RAD21L1: variants seen among roughly 807,000 people sequenced by gnomAD.
RAD21L1 encodes the protein double-strand-break repair protein rad21-like protein 1.
In RAD21L1, 47 loss-of-function variants were observed where a neutral mutation model predicts 69.0. The observed-to-expected ratio is 0.68, with a 90% confidence interval of 0.54 to 0.87. The LOEUF is 0.87. Among genes scored for constraint, RAD21L1 ranks in the 40% least tolerant of loss-of-function variants. RAD21L1 has a pLI of 0.00. For missense variants in RAD21L1, 583 were observed against 647.6 expected (o/e 0.90, Z 1.08); for synonymous variants, 177 against 205.8 (o/e 0.86, Z 1.20).
At chr20:1,236,387 C>T (rs980001973) in intron 5 of RAD21L1, among the ~76,000 whole-genome samples, 1 of 152,150 alleles carries the variant, frequency 6.6e-6, no homozygotes, top group African/African-American at 2.4e-5. Flanking sequence ...TACTCAAGGC[C>T]CTCTGCCAAT....
At chr20:1,240,182 T>C in intron 7 of RAD21L1, 139 bp from the exon 8 acceptor site, 1 of 1,358,390 alleles carries the variant, frequency 7.4e-7, no homozygotes, top group Non-Finnish European at 9.5e-7. Flanking sequence ...ATTAAATAAA[T>C]GGTTCTAAGA....
At chr20:1,235,511 A>G (rs577297119) in intron 5 of RAD21L1, among the ~76,000 whole-genome samples, 1 of 152,362 alleles carries the variant, frequency 6.6e-6, no homozygotes, top group East Asian at 1.9e-4. Flanking sequence ...AAGTTTTGTT[A>G]TTAGAGTCAA....
Position 1,228,491 on chromosome 20 carries a change from C to T in RAD21L1, c.38C>T (p.Pro13Leu), listed in dbSNP as rs1252294487. 4 of 1,549,856 alleles carry T rather than the reference C, an allele frequency of 2.6e-6. No individual in the cohort carries two copies. Among genetic ancestry groups the T allele is most frequent in the Non-Finnish European group, 3.5e-6 (4 of 1,146,244 alleles). Reference sequence around the variant, plus strand: ...CATGTGCTTATGAGTAAACGAGGGCCATTGGCCAAAATATGGCTTGCAGCT... The same window carrying T: ...CATGTGCTTATGAGTAAACGAGGGCTATTGGCCAAAATATGGCTTGCAGCT... ...YTHVLMSKRG[P>L]LAKIWLAAHW... Residue 13 changes from proline (P) to leucine (L), a missense_variant, in exon 2 of 14, where the codon CCA (proline) becomes CTA (leucine). Transcript: ENST00000683101.
chr20:1,232,892 G>T (rs1029613627), intron 4 of RAD21L1, among the ~76,000 whole-genome samples: 31 of 152,310 alleles, frequency 2.0e-4, no homozygotes, highest in African/African-American at 6.3e-4. Context: ...AGTCATAAGA[G>T]AAGTGATTAG....
intron 1 of RAD21L1, among the ~76,000 whole-genome samples, chr20:1,227,117 C>G (rs934565659): frequency 6.6e-6 from 1 of 152,180 alleles, no homozygotes; most frequent in African/African-American, 2.4e-5. Flanking sequence ...ACCATGTTGG[C>G]CAGGCTGGTC....
At chr20:1,244,303 A>G in intron 11 of RAD21L1, 133 bp downstream of exon 11, 1 of 640,386 alleles carries the variant, frequency 1.6e-6, no homozygotes, top group Non-Finnish European at 2.5e-6. Flanking sequence ...CAATTTGTTT[A>G]GTAAGTAGCA....
In RAD21L1 at chr20:1,244,136, C is replaced by G; in HGVS notation, c.1274C>G (p.Ser425Cys). 6.5e-7 allele frequency: 1 copy of G among 1,547,092 alleles called. No individual in the cohort carries two copies. The highest frequency in any genetic ancestry group is 8.7e-7 in the Non-Finnish European group (1 of 1,143,604). The change falls in exon 11 of 14, where the codon TCT becomes TGT. Residue 425 changes from serine to cysteine, a missense_variant. By Grantham distance (112) the Ser-to-Cys change is moderately radical. Coordinates refer to ENST00000683101, the MANE Select transcript of RAD21L1 (RefSeq NM_001384355.1). ...KDVIGGSQHS[S>C]HEDTNKNINS... is the part of the protein sequence containing the mutation. The stretch of plus-strand genomic sequence containing the variant: ...GTGATTGGTGGATCTCAGCATAGCT[C>G]TCATGAGGATACCAATAAAAATATT...
In RAD21L1 at chr20:1,244,093, C is replaced by T; in HGVS notation, c.1231C>T (p.Pro411Ser). Reference sequence around the variant, plus strand: ...AAATTACCAGCAAGAGTTAAGTAAACCCCAAACTTGGAAGGATGTGATTGG... The same window carrying T: ...AAATTACCAGCAAGAGTTAAGTAAATCCCAAACTTGGAAGGATGTGATTGG... Reference protein sequence around the residue: ...EPNYQQELSKPQTWKDVIGGS... With the variant: ...EPNYQQELSKSQTWKDVIGGS... Residue 411 changes from proline to serine, a missense_variant, in exon 11 of 14, where the codon CCC becomes TCC. Physicochemically the swap from Pro to Ser is moderately conservative, Grantham distance 74 (BLOSUM62 -1). Transcript: ENST00000683101. 1.9e-6 allele frequency: 3 copies of T among 1,549,602 alleles called. No individual in the cohort carries two copies. The highest frequency in any genetic ancestry group is 2.4e-5 in the East Asian group (1 of 40,884).
rs1364604836 is a variant in RAD21L1 at position 1,242,719 on chromosome 20, G to A, written c.957G>A (p.Ala319=). Residue 319 remains alanine, a synonymous_variant, in exon 9 of 14, where the codon GCG becomes GCA. Coordinates refer to ENST00000683101, the MANE Select transcript of RAD21L1 (RefSeq NM_001384355.1). ...KVIHKQLTSF[A]DTLMVLELAP... is the part of the protein sequence containing the mutation. ...TACATAAACAGCTTACTTCCTTTGCGGACACACTCATGGTTTTGGAACTTG... is the reference window on the plus strand; with the variant it reads ...TACATAAACAGCTTACTTCCTTTGCAGACACACTCATGGTTTTGGAACTTG... 6.4e-6 allele frequency: 10 copies of A among 1,551,408 alleles called. No homozygotes were observed. The highest frequency in any genetic ancestry group is 4.9e-5 in the East Asian group (2 of 40,930).
At chr20:1,245,390 A>G in intron 11 of RAD21L1, among the ~76,000 whole-genome samples, 1 of 152,288 alleles carries the variant, frequency 6.6e-6, no homozygotes. Context: ...AATGTAGAAT[A>G]CTCATAGAAA....
chr20:1,227,791 C>T (rs1255539526), intron 1 of RAD21L1, among the ~76,000 whole-genome samples: 1 of 152,038 alleles, frequency 6.6e-6, no homozygotes, highest in East Asian at 1.9e-4. Context: ...GTGTTTCTTC[C>T]CTTGCCTTCT....
intron 7 of RAD21L1, among the ~76,000 whole-genome samples, chr20:1,240,006 G>A (rs1048909016): frequency 6.6e-6 from 1 of 152,092 alleles, no homozygotes; most frequent in Non-Finnish European, 1.5e-5. Context: ...CAGACATATA[G>A]TCAAATTGTT....
chr20:1,228,287 A>G, intron 1 of RAD21L1, 135 bp from the exon 2 acceptor site: 1 of 465,048 alleles, frequency 2.2e-6, no homozygotes, highest in Non-Finnish European at 3.8e-6. Context: ...CTTATTTACA[A>G]GAGAATAAAT....
chr20:1,243,075 A>AT, intron 9 of RAD21L1, 22 bp from the exon 10 acceptor site: 2 of 1,450,412 alleles, frequency 1.4e-6, no homozygotes, highest in Non-Finnish European at 1.9e-6. Context: ...AACAAAAAAA[A>AT]CAAAAATGTG....
At chr20:1,249,144 T>G (rs1292537912) in intron 13 of RAD21L1, among the ~76,000 whole-genome samples, 1 of 152,192 alleles carries the variant, frequency 6.6e-6, no homozygotes, top group East Asian at 1.9e-4. Flanking sequence ...CTACCTCTCC[T>G]TATCCCTAAG....
At chr20:1,241,575 G>A (rs79971178) in intron 8 of RAD21L1, among the ~76,000 whole-genome samples, 4,178 of 152,188 alleles carry the variant, frequency 0.027, 204 homozygotes, top group African/African-American at 0.095. Context: ...AATCTGTGTA[G>A]CTTCCCTGTC....
chr20:1,228,609 A>C lies in RAD21L1; in HGVS notation c.144+12A>C. On this transcript the variant is annotated intron_variant, in intron 2 of 13. Coordinates refer to ENST00000683101, the MANE Select transcript of RAD21L1 (RefSeq NM_001384355.1). ...TTCTTTCACCCAAGGTATGTTACTG[A>C]TTAAAATGATAGCTTGTATTTATCA... 3 of 1,495,544 alleles carry C rather than the reference A, an allele frequency of 2.0e-6. No homozygotes were observed. The highest frequency in any genetic ancestry group is 2.7e-6 in the Non-Finnish European group (3 of 1,112,992). 92.6% of individuals were successfully genotyped at this position (1,495,544 alleles called of 1,614,324 possible). A position where few individuals can be genotyped will look rare whatever the true frequency, so the allele number is the denominator to read the frequency against.
chr20:1,231,276 A>G (rs1209301591), intron 3 of RAD21L1, among the ~76,000 whole-genome samples: 3 of 152,198 alleles, frequency 2.0e-5, no homozygotes, highest in African/African-American at 2.4e-5. Flanking sequence ...AGAGGCTCCA[A>G]TTAGAAATTT....
At chr20:1,229,723 A>G (rs2122764686) in intron 2 of RAD21L1, among the ~76,000 whole-genome samples, 157 bp from the exon 3 acceptor site, 1 of 152,346 alleles carries the variant, frequency 6.6e-6, no homozygotes, top group African/African-American at 2.4e-5. Context: ...TAAAAAAATC[A>G]TTTTGCAAGG....
Sources: gnomAD v4.1 joint callset for allele counts (sites outside exome capture counted in the v4.1 genomes callset) on GRCh38, gnomAD v4.1.1 for gene constraint, MANE v1.5 for transcripts, NCBI Gene and HGNC (gene_info 2026-07-23, HGNC 2026-07-21) for gene names.